The following MGAT4C variants were observed in gnomAD, a reference collection of about 807,000 sequenced individuals.
MGAT4C encodes the protein alpha-1,3-mannosyl-glycoprotein 4-beta-N-acetylglucosaminyltransferase C.
Under a neutral mutation model 40.1 loss-of-function variants are expected in MGAT4C, and 19 were observed. That is an observed-to-expected ratio of 0.47 (90% CI 0.33 to 0.70). The LOEUF (loss-of-function observed/expected upper bound fraction) is 0.70, where lower values mean the gene tolerates loss of function less well. Ranked by LOEUF, MGAT4C falls within the 30% of genes least tolerant of loss-of-function variation. The pLI is 0.02. For missense variants in MGAT4C, 491 were observed against 563.2 expected (o/e 0.87, Z 1.30); for synonymous variants, 181 against 187.1 (o/e 0.97, Z 0.27).
intron 1 of MGAT4C, among the ~76,000 whole-genome samples, chr12:86,741,832 A>C (rs1379416453): frequency 6.6e-6 from 1 of 151,490 alleles, no homozygotes; most frequent in Non-Finnish European, 1.5e-5. Flanking sequence ...AGAATACTAA[A>C]TATAATAAAG....
intron 1 of MGAT4C, among the ~76,000 whole-genome samples, chr12:86,111,334 C>A (rs1370385946): frequency 6.6e-6 from 1 of 151,710 alleles, no homozygotes. Context: ...CTATTTGTGG[C>A]TATGCAAATA....
chr12:86,198,510 C>A (rs190652183), intron 1 of MGAT4C, among the ~76,000 whole-genome samples: 1 of 152,252 alleles, frequency 6.6e-6, no homozygotes, highest in East Asian at 1.9e-4. Context: ...GTTTTTCTCG[C>A]ATTTTCATTG....
At chr12:86,741,572 T>G (rs1302138029) in intron 1 of MGAT4C, among the ~76,000 whole-genome samples, 5 of 151,392 alleles carry the variant, frequency 3.3e-5, no homozygotes, top group African/African-American at 9.7e-5. Context: ...TGAAAATTGT[T>G]TTATATAATT....
intron 1 of MGAT4C, among the ~76,000 whole-genome samples, chr12:86,141,913 C>G (rs1220843050): frequency 6.6e-6 from 1 of 152,156 alleles, no homozygotes; most frequent in Admixed American, 6.6e-5. Context: ...AAGCCTTTCA[C>G]TTCATGCCAG....
chr12:86,397,365 A>AT (rs939285441), intron 3 of MGAT4C, among the ~76,000 whole-genome samples: 3 of 152,092 alleles, frequency 2.0e-5, no homozygotes, highest in East Asian at 1.9e-4. Context: ...AATCAACTTG[A>AT]TTTTTTTGCC....
At chr12:86,407,386 T>C (rs1239282956) in intron 3 of MGAT4C, among the ~76,000 whole-genome samples, 1 of 152,136 alleles carries the variant, frequency 6.6e-6, no homozygotes, top group East Asian at 1.9e-4. Flanking sequence ...ATTATACACG[T>C]TGTTAACCTG....
chr12:86,244,692 A>G (rs992515265), intron 1 of MGAT4C, among the ~76,000 whole-genome samples: 1 of 152,176 alleles, frequency 6.6e-6, no homozygotes, highest in African/African-American at 2.4e-5. Flanking sequence ...GAAAGTGAAA[A>G]TGCTCTATGA....
At chr12:86,210,776 T>C (rs1242685739) in intron 1 of MGAT4C, among the ~76,000 whole-genome samples, 1 of 152,200 alleles carries the variant, frequency 6.6e-6, no homozygotes, top group East Asian at 1.9e-4. Context: ...GTGACACATA[T>C]TATTTTGGTT....
chr12:86,090,095 A>G (rs1872626596), intron 1 of MGAT4C, among the ~76,000 whole-genome samples: 1 of 151,608 alleles, frequency 6.6e-6, no homozygotes, highest in Admixed American at 6.6e-5. Flanking sequence ...TAGAATTGTA[A>G]GTGTTATTGT....
intron 1 of MGAT4C, among the ~76,000 whole-genome samples, chr12:86,771,132 C>G (rs1427190309): frequency 6.6e-6 from 1 of 152,040 alleles, no homozygotes; most frequent in Non-Finnish European, 1.5e-5. Flanking sequence ...CATATTCAAG[C>G]TAAGGAAAGA....
chr12:86,112,958 C>T (rs1195497392), intron 1 of MGAT4C, among the ~76,000 whole-genome samples: 2 of 151,608 alleles, frequency 1.3e-5, no homozygotes, highest in African/African-American at 4.8e-5. Flanking sequence ...TAAGTGTTTT[C>T]CTATCATTAA....
intron 2 of MGAT4C, among the ~76,000 whole-genome samples, chr12:86,695,731 A>G (rs1950244494): frequency 6.6e-6 from 1 of 152,040 alleles, no homozygotes; most frequent in South Asian, 2.1e-4. Context: ...AAACAATCGA[A>G]CTCATCGACA....
intron 2 of MGAT4C, among the ~76,000 whole-genome samples, chr12:86,006,485 G>A (rs1372353776): frequency 1.3e-5 from 2 of 152,138 alleles, no homozygotes; most frequent in African/African-American, 4.8e-5. Flanking sequence ...AAACAGACTT[G>A]TTTTGTTCAA....
At chr12:86,369,385 G>A (rs1376866826) in intron 3 of MGAT4C, among the ~76,000 whole-genome samples, 1 of 151,718 alleles carries the variant, frequency 6.6e-6, no homozygotes, top group Non-Finnish European at 1.5e-5. Flanking sequence ...TTGTTTTTGT[G>A]TCTTTTTGTA....
intron 2 of MGAT4C, among the ~76,000 whole-genome samples, chr12:86,500,353 G>A (rs915333379): frequency 2.0e-5 from 3 of 151,730 alleles, no homozygotes; most frequent in Non-Finnish European, 4.4e-5. Flanking sequence ...AAGAGAAAGA[G>A]AGAGAGGAGA....
At chr12:86,394,597 T>C (rs560529845) in intron 3 of MGAT4C, among the ~76,000 whole-genome samples, 49 of 139,578 alleles carry the variant, frequency 3.5e-4, no homozygotes, top group Non-Finnish European at 6.6e-4. Flanking sequence ...AATATTTATA[T>C]ATTTTATATA....
chr12:86,687,939 A>G (rs887065438), intron 2 of MGAT4C, among the ~76,000 whole-genome samples: 1 of 152,242 alleles, frequency 6.6e-6, no homozygotes. Flanking sequence ...GGGATGTTAA[A>G]GTCTCCCACT....
At chr12:86,023,581 T>G (rs1194150251) in intron 2 of MGAT4C, among the ~76,000 whole-genome samples, 5 of 146,748 alleles carry the variant, frequency 3.4e-5, no homozygotes, top group Non-Finnish European at 6.0e-5. Context: ...ACGAAATATA[T>G]TATATATATT....
intron 1 of MGAT4C, among the ~76,000 whole-genome samples, chr12:86,783,137 C>A (rs1340684559): frequency 2.0e-5 from 3 of 152,110 alleles, no homozygotes; most frequent in Non-Finnish European, 4.4e-5. Context: ...GTGATTCCAT[C>A]ATCATTTTCA....
Sources: gnomAD v4.1 joint callset for allele counts (sites outside exome capture counted in the v4.1 genomes callset) on GRCh38, gnomAD v4.1.1 for gene constraint, MANE v1.5 for transcripts, NCBI Gene and HGNC (gene_info 2026-07-23, HGNC 2026-07-21) for gene names.